Variants in ARK2N observed in about 807,000 individuals in gnomAD.
ARK2N encodes the protein protein ARK2N.
the ARK2N span, among the ~76,000 whole-genome samples, chr18:46,199,381 C>G: frequency 1.3e-5 from 2 of 151,602 alleles, no homozygotes; most frequent in Non-Finnish European, 2.9e-5. Context: ...GTGGAGTGAT[C>G]TCGGCTCAGT....
chr18:46,237,780 G>C, the ARK2N span, among the ~76,000 whole-genome samples: 1 of 152,052 alleles, frequency 6.6e-6, no homozygotes, highest in Admixed American at 6.6e-5. Context: ...GTGGCTTCTT[G>C]TTGGAAGATG....
At chr18:46,192,803 C>G in the ARK2N span, among the ~76,000 whole-genome samples, 1 of 149,830 alleles carries the variant, frequency 6.7e-6, no homozygotes, top group Non-Finnish European at 1.5e-5. Context: ...CTCCTGACCT[C>G]AAATAATTCT....
the ARK2N span, chr18:46,232,835 T>G: frequency 6.6e-6 from 1 of 152,202 alleles, no homozygotes; most frequent in African/African-American, 2.4e-5. Flanking sequence ...GGGAAGAATG[T>G]TATGAAATTA....
chr18:46,199,506 T>C, the ARK2N span, among the ~76,000 whole-genome samples: 1 of 111,550 alleles, frequency 9.0e-6, no homozygotes, highest in African/African-American at 3.2e-5. Context: ...TTTTTTTTTT[T>C]AGTAGAGGTG....
the ARK2N span, among the ~76,000 whole-genome samples, chr18:46,212,859 G>A: frequency 6.6e-6 from 1 of 151,958 alleles, no homozygotes; most frequent in Non-Finnish European, 1.5e-5. Flanking sequence ...TTAGTCTGAT[G>A]CTGTATTATG....
chr18:46,223,202 G>A, the ARK2N span, among the ~76,000 whole-genome samples: 1 of 152,206 alleles, frequency 6.6e-6, no homozygotes, highest in African/African-American at 2.4e-5. Flanking sequence ...GGGGCTTAAA[G>A]GAAGTTAAAC....
chr18:46,210,187 T>C, the ARK2N span, among the ~76,000 whole-genome samples: 29 of 152,346 alleles, frequency 1.9e-4, no homozygotes, highest in African/African-American at 6.3e-4. Context: ...TAGTCAATAC[T>C]ATTGAAAATA....
the ARK2N span, among the ~76,000 whole-genome samples, chr18:46,187,231 A>G: frequency 2.7e-5 from 4 of 149,814 alleles, no homozygotes; most frequent in Admixed American, 2.0e-4. Flanking sequence ...GCAGTGAGCT[A>G]AGATCGCGTC....
At chr18:46,184,180 CG>C in the ARK2N span, among the ~76,000 whole-genome samples, 1 of 152,120 alleles carries the variant, frequency 6.6e-6, no homozygotes, top group Non-Finnish European at 1.5e-5. Context: ...TTAGTAGAGA[CG>C]GGGTTTCACT....
the ARK2N span, among the ~76,000 whole-genome samples, chr18:46,241,603 C>A: frequency 6.6e-6 from 1 of 150,608 alleles, no homozygotes; most frequent in Non-Finnish European, 1.5e-5. Context: ...TGGTGGTGGG[C>A]GTGGTGGTGG....
At chr18:46,208,111 T>C in the ARK2N span, among the ~76,000 whole-genome samples, 1 of 152,230 alleles carries the variant, frequency 6.6e-6, no homozygotes, top group Non-Finnish European at 1.5e-5. Context: ...AGTTCATGGC[T>C]ACAATCCTTA....
the ARK2N span, among the ~76,000 whole-genome samples, chr18:46,231,154 T>G: frequency 6.6e-6 from 1 of 152,228 alleles, no homozygotes; most frequent in Admixed American, 6.5e-5. Flanking sequence ...CAAGGTCAAG[T>G]TAAAATCTTA....
the ARK2N span, among the ~76,000 whole-genome samples, chr18:46,258,006 AAC>A: frequency 1.3e-5 from 2 of 151,430 alleles, no homozygotes; most frequent in African/African-American, 4.9e-5. Context: ...GGCTCACTGC[AAC>A]CTCTGCCTCC....
At chr18:46,248,283 G>A in the ARK2N span, among the ~76,000 whole-genome samples, 944 of 152,296 alleles carry the variant, frequency 6.2e-3, 11 homozygotes, top group African/African-American at 0.021. Context: ...CTTCAGGAAC[G>A]TCAGTCAGGT....
chr18:46,239,062 TTA>T, the ARK2N span, among the ~76,000 whole-genome samples: 3 of 152,160 alleles, frequency 2.0e-5, no homozygotes, highest in Non-Finnish European at 4.4e-5. Flanking sequence ...AAGGAAAACT[TTA>T]TGTTTGCTTT....
the ARK2N span, among the ~76,000 whole-genome samples, chr18:46,236,141 G>A: frequency 6.6e-6 from 1 of 152,124 alleles, no homozygotes; most frequent in Non-Finnish European, 1.5e-5. Flanking sequence ...AAAGTAGTTG[G>A]TAGATTTTTT....
chr18:46,244,307 G>T, the ARK2N span, among the ~76,000 whole-genome samples: 45 of 152,204 alleles, frequency 3.0e-4, 1 homozygote, highest in East Asian at 8.7e-3. Context: ...ACTTATTTAG[G>T]ATTTTTTTCC....
the ARK2N span, among the ~76,000 whole-genome samples, chr18:46,212,415 T>A: frequency 6.6e-6 from 1 of 152,230 alleles, no homozygotes; most frequent in Non-Finnish European, 1.5e-5. Context: ...ACAGATAAAC[T>A]CATGTAAATA....
chr18:46,203,099 A>G, the ARK2N span, among the ~76,000 whole-genome samples: 3 of 152,232 alleles, frequency 2.0e-5, no homozygotes, highest in East Asian at 5.8e-4. Flanking sequence ...GAACATAAGC[A>G]TATTCTATGA....
Sources: allele counts gnomAD v4.1 joint callset (sites outside exome capture counted in the v4.1 genomes callset), GRCh38; gene constraint gnomAD v4.1.1; transcripts MANE v1.5; gene names NCBI Gene and HGNC (gene_info 2026-07-23, HGNC 2026-07-21).